SNU13: variants seen among roughly 807,000 people sequenced by gnomAD.
SNU13 encodes the protein small nuclear ribonucleoprotein 13.
A neutral mutation model predicts 12.4 loss-of-function variants in SNU13; 2 were observed. That is an observed-to-expected ratio of 0.16 (90% CI 0.07 to 0.51). SNU13 has a LOEUF of 0.51. Among genes scored for constraint, SNU13 ranks in the 20% least tolerant of loss-of-function variants. The pLI, the probability that SNU13 is intolerant of heterozygous loss-of-function variation, is 0.96. For synonymous variants in SNU13, 68 were observed against 66.5 expected, an observed-to-expected ratio of 1.02 and a Z score of -0.11; for missense variants, 66 against 157.8, an observed-to-expected ratio of 0.42 and a Z score of 3.12.
chr22:41,688,797 G>A lies in SNU13; in HGVS notation c.-1C>T, dbSNP rs2068334608. On this transcript the variant is annotated 5_prime_UTR_variant, in exon 1 of 3. Transcript: ENST00000401959. Reference sequence around the variant, plus strand: ...CTCGGCCGGCGCACGCACTCACCATGGCTGCGGTTCCGCGGGCTCAGCACT... The same window carrying A: ...CTCGGCCGGCGCACGCACTCACCATAGCTGCGGTTCCGCGGGCTCAGCACT... The A allele has an allele frequency of 6.2e-7, 1 of 1,601,412 alleles. No homozygotes were observed. The highest frequency in any genetic ancestry group is 8.5e-7 in the Non-Finnish European group (1 of 1,170,888).
At chr22:41,685,755 C>T (rs1298608870) in intron 1 of SNU13, among the ~76,000 whole-genome samples, 1 of 151,652 alleles carries the variant, frequency 6.6e-6, no homozygotes, top group Non-Finnish European at 1.5e-5. Flanking sequence ...CACTTGAGGT[C>T]AGGAGTTGGA....
chr22:41,685,104 G>A (rs2068299813), intron 1 of SNU13, among the ~76,000 whole-genome samples: 1 of 148,598 alleles, frequency 6.7e-6, no homozygotes, highest in Non-Finnish European at 1.5e-5. Context: ...GCAGTAGGTT[G>A]AGATGATGCC....
At chr22:41,686,982 G>A (rs767766708) in intron 1 of SNU13, among the ~76,000 whole-genome samples, 1 of 151,094 alleles carries the variant, frequency 6.6e-6, no homozygotes, top group Non-Finnish European at 1.5e-5. Flanking sequence ...TTGAGACGGA[G>A]TCTCAAACTG....
Position 41,674,901 on chromosome 22 carries a change from C to CTGGCAGGGAGCACG in SNU13, c.*18_*31dup, listed in dbSNP as rs1171816686. On this transcript the variant is annotated 3_prime_UTR_variant, in exon 3 of 3. Coordinates refer to ENST00000401959, the MANE Select transcript of SNU13 (RefSeq NM_001003796.2). ...ATGATACACAACCTCAGGGGGGAAG[C>CTGGCAGGGAGCACG]TGGCAGGGAGCACGTGGCAGAGGCC... The CTGGCAGGGAGCACG allele has an allele frequency of 6.2e-7, 1 of 1,602,414 alleles. No homozygotes were observed. The highest frequency in any genetic ancestry group is 1.3e-5 in the African/African-American group (1 of 74,608).
At chr22:41,680,997 T>C (rs562124700) in intron 1 of SNU13, among the ~76,000 whole-genome samples, 13 of 152,332 alleles carry the variant, frequency 8.5e-5, no homozygotes, top group Admixed American at 2.6e-4. Context: ...CCATGGGTAA[T>C]CTTTAAATTT....
Position 41,688,808 on chromosome 22 carries a change from C to T in SNU13, c.-12G>A, listed in dbSNP as rs755594812. ...CACGCACTCACCATGGCTGCGGTTC[C>T]GCGGGCTCAGCACTCCTAGGGGAGC... On this transcript the variant is annotated 5_prime_UTR_variant, in exon 1 of 3. Transcript: ENST00000401959. 1 of 1,600,776 alleles carries T rather than the reference C, an allele frequency of 6.2e-7. No individual in the cohort carries two copies. The highest frequency in any genetic ancestry group is 8.5e-7 in the Non-Finnish European group (1 of 1,170,812).
chr22:41,680,894 G>A (rs962899988), intron 1 of SNU13, among the ~76,000 whole-genome samples: 2 of 152,116 alleles, frequency 1.3e-5, no homozygotes, highest in Non-Finnish European at 2.9e-5. Flanking sequence ...GGGTTTCACC[G>A]TGTTGGCCAG....
rs563304842 is a variant in SNU13 at position 41,683,875 on chromosome 22, G to T, written c.4-3511C>A. 4.6e-5 allele frequency among the ~76,000 whole-genome samples: 7 copies of T among 152,112 alleles called. No homozygotes were observed. In the South Asian group the frequency reaches 1.2e-3, roughly 27 times the overall value. ...TCATGCCAAGAAAATTTAGGACATG[G>T]ACACACAGGAGTTTAGGAGCAGGGT... On this transcript the variant is annotated intron_variant, in intron 1 of 2. Coordinates refer to ENST00000401959, the MANE Select transcript of SNU13 (RefSeq NM_001003796.2).
At chr22:41,675,305 C>A in intron 2 of SNU13, 110 bp from the exon 3 acceptor site, 1 of 1,360,926 alleles carries the variant, frequency 7.3e-7, no homozygotes, top group Non-Finnish European at 1.0e-6. Flanking sequence ...CTAGACCGGC[C>A]CTGGGATATG....
At position 41,688,746 on chromosome 22, in the gene SNU13, A is replaced by G. The variant is rs770654443; in HGVS notation, c.3+48T>C. 145 of 1,597,930 alleles carry G rather than the reference A, an allele frequency of 9.1e-5. No homozygotes were observed. The Middle Eastern group carries it at 7.4e-3, about 81-fold the overall frequency. On this transcript the variant is annotated intron_variant, in intron 1 of 2. Coordinates refer to ENST00000401959, the MANE Select transcript of SNU13 (RefSeq NM_001003796.2). ...TCTAACAGGCTAGGGAGTGAACGCA[A>G]CCCTGAGTCTCCCGCTTCCCGGTCC...
chr22:41,676,370 G>A (rs994720251), intron 2 of SNU13, among the ~76,000 whole-genome samples: 1 of 151,518 alleles, frequency 6.6e-6, no homozygotes, highest in African/African-American at 2.4e-5. Context: ...ACACTCTAGA[G>A]CTACACTGTC....
Position 41,675,077 on chromosome 22 carries a change from C to A in SNU13, c.243G>T (p.Val81=), listed in dbSNP as rs1222825349. 5.6e-6 allele frequency: 9 copies of A among 1,614,106 alleles called. No homozygotes were observed. The highest frequency in any genetic ancestry group is 5.9e-6 in the Non-Finnish European group (7 of 1,180,040). The change falls in exon 3 of 3, where the codon GTG becomes GTT. Residue 81 remains valine, a synonymous_variant. Coordinates refer to ENST00000401959, the MANE Select transcript of SNU13 (RefSeq NM_001003796.2). ...CCAGGGCCTGCTTGGAGCGCACAAA[C>A]ACGTAGGGCACATTCTTGTCTTCAC... ...LLCEDKNVPY[V]FVRSKQALGR...
Position 41,675,179 on chromosome 22 carries a change from G to A in SNU13, c.141C>T (p.Asn47=), listed in dbSNP as rs770621385. 3.3e-5 allele frequency: 54 copies of A among 1,613,548 alleles called. No individual in the cohort carries two copies. The highest frequency in any genetic ancestry group is 4.2e-5 in the Non-Finnish European group (50 of 1,179,994). ...TCACGATGAACTCAGAGATGCCCCT[G>A]TTGAGGGTTTTGGTGGCTGCGGAGA... ...KGANEATKTL[N]RGISEFIVMA... The change falls in exon 3 of 3, where the codon AAC becomes AAT. Residue 47 remains asparagine (N), a synonymous_variant. Coordinates refer to ENST00000401959, the MANE Select transcript of SNU13 (RefSeq NM_001003796.2).
chr22:41,685,037 T>C (rs1158877601), intron 1 of SNU13, among the ~76,000 whole-genome samples: 3 of 150,560 alleles, frequency 2.0e-5, no homozygotes, highest in African/African-American at 7.4e-5. Context: ...GCACCTGTAA[T>C]CCCAGCTACT....
intron 1 of SNU13, among the ~76,000 whole-genome samples, chr22:41,681,945 A>T (rs959218322): frequency 4.0e-5 from 6 of 151,896 alleles, no homozygotes; most frequent in African/African-American, 1.5e-4. Flanking sequence ...CGCTCCTTCC[A>T]TCTCATTCCC....
At chr22:41,682,735 C>G (rs1371275065) in intron 1 of SNU13, 1 of 327,084 alleles carries the variant, frequency 3.1e-6, no homozygotes, top group Non-Finnish European at 5.4e-6. Flanking sequence ...GGTTGGAGTG[C>G]AGTGGCGCGA....
At chr22:41,680,423 C>G (rs1169562638) in intron 1 of SNU13, 59 bp from the exon 2 acceptor site, 1 of 1,564,854 alleles carries the variant, frequency 6.4e-7, no homozygotes, top group Non-Finnish European at 8.7e-7. Context: ...CTACCTGAGT[C>G]ACAAAATACT....
At chr22:41,681,854 G>C (rs5758409) in intron 1 of SNU13, among the ~76,000 whole-genome samples, 1 of 151,978 alleles carries the variant, frequency 6.6e-6, no homozygotes, top group African/African-American at 2.4e-5. Flanking sequence ...CAGCGTGGGC[G>C]ACAGAGCGAG....
intron 2 of SNU13, among the ~76,000 whole-genome samples, chr22:41,679,371 A>G (rs1008930477): frequency 2.3e-4 from 35 of 152,202 alleles, no homozygotes; most frequent in African/African-American, 8.4e-4. Context: ...AGACTGACCA[A>G]CATAGTGAAA....
Sources: gnomAD v4.1 joint callset for allele counts (sites outside exome capture counted in the v4.1 genomes callset) on GRCh38, gnomAD v4.1.1 for gene constraint, MANE v1.5 for transcripts, NCBI Gene and HGNC (gene_info 2026-07-23, HGNC 2026-07-21) for gene names.